The following GAA variants were observed in gnomAD, a reference collection of about 807,000 sequenced individuals.
GAA encodes lysosomal alpha-glucosidase.
GAA carries 88 observed loss-of-function variants against 103.9 expected under a neutral mutation model. The ratio of observed to expected loss-of-function variants is 0.85; its 90% CI spans 0.71 to 1.01. GAA has a LOEUF of 1.01. Among genes scored for constraint, GAA ranks in the 50% least tolerant of loss-of-function variants. The pLI, the probability that GAA is intolerant of heterozygous loss-of-function variation, is 0.00. For missense variants in GAA, 1,350 were observed against 1,305.3 expected (o/e 1.03, Z -0.53); for synonymous variants, 572 against 563.1 (o/e 1.02, Z -0.22).
In GAA at chr17:80,113,201, C is replaced by T. The variant is rs746028622; in HGVS notation, c.2041-17C>T. ...CCCAGCACCCAAGTGCTTCCTTTGC[C>T]CCCGCCTGCCCTGCAGCCCCAGGAG... On this transcript the variant is annotated splice_polypyrimidine_tract_variant and intron_variant, in intron 14 of 19. Coordinates refer to ENST00000302262, the MANE Select transcript of GAA (RefSeq NM_000152.5). The T allele has an allele frequency of 1.1e-5, 18 of 1,584,146 alleles. No homozygotes were observed. In the Admixed American group the frequency reaches 3.2e-4, roughly 28 times the overall value.
chr17:80,105,796 G>C lies in GAA; in HGVS notation c.594G>C (p.Pro198=), dbSNP rs1426823689. Residue 198 remains proline, a synonymous_variant, in exon 3 of 20, where the codon CCG becomes CCC. Transcript: ENST00000302262. ...NRRYEVPLET[P]HVHSRAPSPL... ...GCTACGAGGTGCCCTTGGAGACCCC[G>C]CATGTCCACAGCCGGGCACCGTCCC... The C allele has an allele frequency of 6.2e-7, 1 of 1,612,068 alleles. No individual in the cohort carries two copies. Among genetic ancestry groups the C allele is most frequent in the Non-Finnish European group, 8.5e-7 (1 of 1,179,996 alleles).
At chr17:80,112,172 G>T in intron 12 of GAA, 72 bp downstream of exon 12, 1 of 1,451,522 alleles carries the variant, frequency 6.9e-7, no homozygotes, top group Non-Finnish European at 9.6e-7. Flanking sequence ...CCTCTGCAGG[G>T]CCTCAGGGAG....
Position 80,107,622 on chromosome 17 carries a change from C to A in GAA, c.758C>A (p.Pro253His). 1 of 1,613,230 alleles carries A rather than the reference C, an allele frequency of 6.2e-7. No individual in the cohort carries two copies. Among genetic ancestry groups the A allele is most frequent in the South Asian group, 1.1e-5 (1 of 91,086 alleles). ...TTCCTTCAGCTGTCCACCTCGCTGC[C>A]CTCGCAGTATATCACAGGCCTCGCC... ...DQFLQLSTSL[P>H]SQYITGLAEH... The change falls in exon 4 of 20, where the codon CCC becomes CAC. Residue 253 changes from proline (P) to histidine (H), a missense_variant. Transcript: ENST00000302262.
Position 80,118,824 on chromosome 17 carries a change from G to A in GAA, c.2799+19G>A, listed in dbSNP as rs558187268. 8.0e-5 allele frequency: 129 copies of A among 1,612,302 alleles called. No homozygotes were observed. In the Admixed American group the frequency reaches 2.1e-3, roughly 26 times the overall value. The stretch of plus-strand genomic sequence containing the variant: ...CACCAAGGCAAGAGGGCCCAGAGTG[G>A]CACAGGGATCGCGTCCCCCAGCCGT... On this transcript the variant is annotated intron_variant, in intron 19 of 19. Transcript: ENST00000302262.
At chr17:80,117,478 C>T (rs2039380591) in intron 16 of GAA, 122 bp from the exon 17 acceptor site, 1 of 1,166,488 alleles carries the variant, frequency 8.6e-7, no homozygotes, top group South Asian at 1.2e-5. Flanking sequence ...ACAGTTCAGC[C>T]CGTCTGTGCC....
intron 1 of GAA, chr17:80,102,488 G>A (rs1598565712): frequency 6.6e-6 from 1 of 152,340 alleles, no homozygotes; most frequent in South Asian, 2.1e-4. Context: ...TGGAAAAGGG[G>A]TGAGGGGCTG....
chr17:80,104,454 G>T lies in GAA; in HGVS notation c.-32-101G>T, dbSNP rs1309044963. The T allele has an allele frequency of 1.2e-6, 1 of 818,876 alleles. No homozygotes were observed. The highest frequency in any genetic ancestry group is 1.9e-6 in the Non-Finnish European group (1 of 530,860). The allele number at this position is 818,876 out of a possible 1,614,324, so 50.7% of individuals were successfully genotyped here. A position where few individuals can be genotyped will look rare whatever the true frequency, so the allele number is the denominator to read the frequency against. On this transcript the variant is annotated intron_variant, in intron 1 of 19. Transcript: ENST00000302262. This position sits in a 1 kb window ranked among gnomAD's most constrained non-coding sequence, Gnocchi z 4.0. ...GCCACCTTACCCCACCTGCCTGGGT[G>T]CTGCAGTGCCAGCCGCGGTTGATGT...
At chr17:80,107,444 GCCAGGCCACTCCGCCCTC>G in intron 3 of GAA, 95 bp from the exon 4 acceptor site, 1 of 1,402,264 alleles carries the variant, frequency 7.1e-7, no homozygotes, top group South Asian at 1.2e-5. Flanking sequence ...TGCAGGGCTG[GCCAGGCCACTCCGCCCTC>G]CCAGGGCACC....
chr17:80,118,161 GA>G lies in GAA; in HGVS notation c.2482-31del, dbSNP rs755040045. Reference sequence around the variant, plus strand: ...AGGCCTCCACCTCCACCAGGGTGGGGATGATGACATCACGTGTCCTTCCCTT... The same window carrying G: ...AGGCCTCCACCTCCACCAGGGTGGGGTGATGACATCACGTGTCCTTCCCTT... On this transcript the variant is annotated intron_variant, in intron 17 of 19. Transcript: ENST00000302262. The G allele has an allele frequency of 5.0e-6, 8 of 1,611,530 alleles. No homozygotes were observed. The Admixed American group carries it at 1.0e-4, about 20-fold the overall frequency.
At position 80,104,981 on chromosome 17, in the gene GAA, G is replaced by A; in HGVS notation, c.395G>A (p.Ser132Asn). Residue 132 changes from serine to asparagine, a missense_variant, in exon 2 of 20, where the codon AGC becomes AAC. Transcript: ENST00000302262. This position sits in a 1 kb window ranked among gnomAD's most constrained non-coding sequence, Gnocchi z 4.0. ...CAGCCCTGGTGCTTCTTCCCACCCA[G>A]CTACCCCAGCTACAAGCTGGAGAAC... ...MGQPWCFFPP[S>N]YPSYKLENLS... The A allele has an allele frequency of 6.2e-7, 1 of 1,612,764 alleles. No individual in the cohort carries two copies. The highest frequency in any genetic ancestry group is 8.5e-7 in the Non-Finnish European group (1 of 1,179,958).
At chr17:80,108,191 A>G in intron 5 of GAA, 99 bp from the exon 6 acceptor site, 1 of 1,597,382 alleles carries the variant, frequency 6.3e-7, no homozygotes, top group Admixed American at 1.7e-5. Flanking sequence ...TCGTGGGGAG[A>G]GAGCCTCAAC....
At chr17:80,108,090 GAGGTGGGCTGGCACC>G (rs2039137896) in intron 5 of GAA, among the ~76,000 whole-genome samples, 185 bp from the exon 6 acceptor site, 1 of 152,224 alleles carries the variant, frequency 6.6e-6, no homozygotes. Flanking sequence ...GCCCTGCCTG[GAGGTGGGCTGGCACC>G]ACATATCTTT....
intron 12 of GAA, chr17:80,112,371 G>T (rs986549801): frequency 6.2e-6 from 4 of 647,352 alleles, no homozygotes; most frequent in South Asian, 5.6e-5. Flanking sequence ...CTGTGAGGCT[G>T]GGGGGGGTCC....
chr17:80,109,884 C>G, intron 8 of GAA, 61 bp from the exon 9 acceptor site: 1 of 1,239,614 alleles, frequency 8.1e-7, no homozygotes, highest in South Asian at 1.2e-5. Context: ...TCTCAGTTTT[C>G]CCCGTGGCTG....
chr17:80,115,147 C>T (rs1480557586), intron 15 of GAA, among the ~76,000 whole-genome samples: 1 of 152,050 alleles, frequency 6.6e-6, no homozygotes, highest in African/African-American at 2.4e-5. Flanking sequence ...TCAGCCATTA[C>T]TTCATAAAAT....
At chr17:80,109,332 G>A (rs2039174502) in intron 8 of GAA, among the ~76,000 whole-genome samples, 1 of 152,220 alleles carries the variant, frequency 6.6e-6, no homozygotes, top group Non-Finnish European at 1.5e-5. Context: ...CCCAAAGCAG[G>A]ACTCTTGAGT....
chr17:80,116,941 A>G, intron 15 of GAA, 27 bp from the exon 16 acceptor site: 1 of 1,613,348 alleles, frequency 6.2e-7, no homozygotes, highest in Non-Finnish European at 8.5e-7. Flanking sequence ...CATCACCCGT[A>G]TGCCTGTGTG....
chr17:80,118,382 GGTGGGC>G (rs1407936949), intron 18 of GAA, 25 bp downstream of exon 18: 4 of 1,557,904 alleles, frequency 2.6e-6, no homozygotes, highest in Non-Finnish European at 3.5e-6. Flanking sequence ...TGCTCAGGCT[GGTGGGC>G]AGGGGCCGGC....
chr17:80,117,812 C>T (rs1265486294), intron 17 of GAA, 63 bp downstream of exon 17: 8 of 1,517,706 alleles, frequency 5.3e-6, no homozygotes, highest in African/African-American at 2.7e-5. Context: ...GGGGGAGGCA[C>T]AGGGAGATGG....
Sources: allele counts gnomAD v4.1 joint callset (sites outside exome capture counted in the v4.1 genomes callset), GRCh38; gene constraint gnomAD v4.1.1; non-coding constraint Gnocchi (gnomAD v3.1); transcripts MANE v1.5; gene names NCBI Gene and HGNC (gene_info 2026-07-23, HGNC 2026-07-21).